IDE: variants seen among roughly 807,000 people sequenced by gnomAD.
IDE encodes insulin-degrading enzyme.
In IDE, 58 loss-of-function variants were observed where a neutral mutation model predicts 133.2. The observed-to-expected ratio is 0.44, with a 90% CI of 0.35 to 0.54. The LOEUF (loss-of-function observed/expected upper bound fraction) is 0.54. Ranked by LOEUF, IDE falls within the 20% of genes least tolerant of loss-of-function variation. The pLI is 0.00. For missense variants in IDE, 981 were observed against 1,234.0 expected (o/e 0.79, Z 3.07); for synonymous variants, 396 against 421.3 (o/e 0.94, Z 0.73).
At chr10:92,511,102 CTTTTTTTTT>C (rs749758838) in intron 5 of IDE, among the ~76,000 whole-genome samples, 4 of 105,422 alleles carry the variant, frequency 3.8e-5, no homozygotes, top group Non-Finnish European at 7.8e-5. Context: ...AAAAAAAAAA[CTTTTTTTTT>C]TTTTTTTTGA....
At chr10:92,465,647 A>C in intron 20 of IDE, 29 bp downstream of exon 20, 1 of 1,589,912 alleles carries the variant, frequency 6.3e-7, no homozygotes, top group Non-Finnish European at 8.6e-7. Flanking sequence ...AGTCTACAGT[A>C]CCCTGCTATT....
chr10:92,514,605 A>T (rs1848803284), intron 5 of IDE, among the ~76,000 whole-genome samples: 1 of 152,008 alleles, frequency 6.6e-6, no homozygotes, highest in Non-Finnish European at 1.5e-5. Flanking sequence ...CCACTAATTT[A>T]AAAAAATTTT....
intron 6 of IDE, among the ~76,000 whole-genome samples, chr10:92,509,552 C>T (rs193027234): frequency 3.3e-5 from 5 of 152,068 alleles, no homozygotes; most frequent in African/African-American, 1.2e-4. Flanking sequence ...ACGATCGCGC[C>T]GCTGCACTCC....
chr10:92,535,502 G>A (rs1407760580), intron 2 of IDE, among the ~76,000 whole-genome samples: 2 of 152,090 alleles, frequency 1.3e-5, no homozygotes, highest in African/African-American at 4.8e-5. Flanking sequence ...GCTGTGAAAC[G>A]GTAAGCACAA....
At chr10:92,465,271 TG>T (rs1469979132) in intron 20 of IDE, among the ~76,000 whole-genome samples, 2 of 152,230 alleles carry the variant, frequency 1.3e-5, no homozygotes, top group Non-Finnish European at 2.9e-5. Flanking sequence ...GAACACTTGC[TG>T]TGCCTTCTGT....
Position 92,479,592 on chromosome 10 carries a change from A to C in IDE, c.1740-171T>G, listed in dbSNP as rs1846483912. Reference sequence around the variant, plus strand: ...AAAAAAAAGAAGATGTCTGAAAAAGAAGCCTGAAGTGTGTGTGAGTGTGTG... The same window carrying C: ...AAAAAAAAGAAGATGTCTGAAAAAGCAGCCTGAAGTGTGTGTGAGTGTGTG... On this transcript the variant is annotated intron_variant, in intron 14 of 24. Transcript: ENST00000265986. 7.7e-5 allele frequency: 45 copies of C among 587,220 alleles called. No individual in the cohort carries two copies. The South Asian group carries it at 9.4e-4, about 12-fold the overall frequency. 36.4% of individuals were successfully genotyped at this position (587,220 alleles called of 1,614,324 possible). A position where few individuals can be genotyped will look rare whatever the true frequency, so the allele number is the denominator to read the frequency against.
intron 1 of IDE, among the ~76,000 whole-genome samples, chr10:92,538,058 G>C (rs1427855496): frequency 6.6e-6 from 1 of 152,066 alleles, no homozygotes; most frequent in African/African-American, 2.4e-5. Flanking sequence ...ATTTTTTGTA[G>C]AGATGGGATT....
intron 1 of IDE, among the ~76,000 whole-genome samples, chr10:92,566,083 C>T (rs1453272155): frequency 6.6e-6 from 1 of 151,524 alleles, no homozygotes; most frequent in Non-Finnish European, 1.5e-5. Context: ...TAGCCAGGTG[C>T]AGTGGCTCAC....
At chr10:92,567,949 T>A (rs561323083) in intron 1 of IDE, among the ~76,000 whole-genome samples, 12 of 152,328 alleles carry the variant, frequency 7.9e-5, no homozygotes, top group Non-Finnish European at 1.6e-4. Flanking sequence ...CCAGCCTGGG[T>A]GACAGTGAGA....
At position 92,515,035 on chromosome 10, in the gene IDE, T is replaced by G; in HGVS notation, c.669A>C (p.Lys223Asn). The change falls in exon 5 of 25, where the codon AAA (lysine) becomes AAC (asparagine). Residue 223 changes from lysine to asparagine, a missense_variant. By Grantham distance (94) the Lys-to-Asn change is moderately conservative (BLOSUM62 0). Transcript: ENST00000265986. ...GGTTTGGTCTAGTCTCCAGAGTATATTTGTTACCTGGAAGGGAAGAAAAGG... is the reference window on the plus strand; with the variant it reads ...GGTTTGGTCTAGTCTCCAGAGTATAGTTGTTACCTGGAAGGGAAGAAAAGG... ...HPFSKFGTGN[K>N]YTLETRPNQE... is the part of the protein sequence containing the mutation. The G allele has an allele frequency of 6.3e-7, 1 of 1,592,378 alleles. No individual in the cohort carries two copies. The highest frequency in any genetic ancestry group is 1.3e-5 in the African/African-American group (1 of 74,142).
At chr10:92,571,156 C>T (rs1040911915) in intron 1 of IDE, among the ~76,000 whole-genome samples, 10 of 151,828 alleles carry the variant, frequency 6.6e-5, no homozygotes, top group African/African-American at 1.4e-4. Context: ...GGATTACAAG[C>T]GCCCACCACC....
At chr10:92,573,824 G>A (rs1351329275) in intron 1 of IDE, 98 bp downstream of exon 1, 4 of 819,858 alleles carry the variant, frequency 4.9e-6, no homozygotes, top group Non-Finnish European at 7.0e-6. Flanking sequence ...GAGGGGCAGC[G>A]GTGGCGGCTT....
Position 92,498,737 on chromosome 10 carries a change from C to T in IDE, c.1430+6057G>A, listed in dbSNP as rs1042605383. On this transcript the variant is annotated intron_variant, in intron 11 of 24. Coordinates refer to ENST00000265986, the MANE Select transcript of IDE (RefSeq NM_004969.4). The stretch of plus-strand genomic sequence containing the variant: ...TGCCATTGCACTCCAGCCTAGGCAA[C>T]AAGAGCGAAACTCCATCTCAAAGAA... 2.6e-5 allele frequency among the ~76,000 whole-genome samples: 4 copies of T among 152,030 alleles called. No individual in the cohort carries two copies. The East Asian group carries it at 5.8e-4, about 22-fold the overall frequency.
At chr10:92,538,971 G>T (rs879365360) in intron 1 of IDE, among the ~76,000 whole-genome samples, 1 of 152,056 alleles carries the variant, frequency 6.6e-6, no homozygotes, top group African/African-American at 2.4e-5. Flanking sequence ...AGATTTAAAC[G>T]TAAGTAAGAG....
intron 4 of IDE, among the ~76,000 whole-genome samples, chr10:92,527,179 T>C (rs1849671373): frequency 6.6e-6 from 1 of 152,196 alleles, no homozygotes; most frequent in Admixed American, 6.6e-5. Flanking sequence ...ATGTCTGTAG[T>C]CTATAGAAAG....
At chr10:92,559,161 CT>C (rs1843157914) in intron 1 of IDE, 1 of 152,178 alleles carries the variant, frequency 6.6e-6, no homozygotes, top group South Asian at 2.1e-4. Flanking sequence ...TTTTCACACA[CT>C]GCTGGTGGAA....
chr10:92,530,099 G>A (rs1055317841), intron 4 of IDE, among the ~76,000 whole-genome samples: 4 of 152,014 alleles, frequency 2.6e-5, no homozygotes, highest in African/African-American at 7.2e-5. Flanking sequence ...GGTGGCGGGC[G>A]CCTGTAATCC....
chr10:92,520,090 G>T (rs1849141870), intron 4 of IDE, among the ~76,000 whole-genome samples: 1 of 152,154 alleles, frequency 6.6e-6, no homozygotes, highest in Admixed American at 6.6e-5. Flanking sequence ...GGGTGACAGA[G>T]CAAGACTCCA....
intron 1 of IDE, among the ~76,000 whole-genome samples, chr10:92,556,590 TCTA>T (rs1182670856): frequency 1.3e-5 from 2 of 152,040 alleles, no homozygotes; most frequent in Non-Finnish European, 2.9e-5. Context: ...AAACCCTGTC[TCTA>T]CTAAAACTAC....
Sources: allele counts gnomAD v4.1 joint callset (sites outside exome capture counted in the v4.1 genomes callset), GRCh38; gene constraint gnomAD v4.1.1; transcripts MANE v1.5; gene names NCBI Gene and HGNC (gene_info 2026-07-23, HGNC 2026-07-21).